The following ZC2HC1B variants were observed in gnomAD, a reference collection of about 807,000 sequenced individuals.
ZC2HC1B encodes zinc finger C2HC-type containing 1B, also known as zinc finger C2HC domain-containing protein 1B.
In ZC2HC1B, 36 loss-of-function variants were observed where a neutral mutation model predicts 31.0. That is an observed-to-expected ratio of 1.16 (90% CI 0.89 to 1.54). ZC2HC1B has a LOEUF of 1.54. ZC2HC1B is among the 40% of genes most tolerant of loss of function. The probability of loss-of-function intolerance (pLI) is 0.00; values close to 1 mark genes in which losing one functional copy is unlikely to be tolerated. For missense variants in ZC2HC1B, 260 were observed against 268.6 expected (o/e 0.97, Z 0.22); for synonymous variants, 73 against 88.0 (o/e 0.83, Z 0.95).
intron 5 of ZC2HC1B, 86 bp downstream of exon 5, chr6:143,898,777 C>T: frequency 1.3e-6 from 2 of 1,483,624 alleles, no homozygotes; most frequent in Admixed American, 4.3e-5. Context: ...ACCTCAGTTA[C>T]CCATCCTAAG....
chr6:143,912,373 C>T (rs1304844063), intron 6 of ZC2HC1B, among the ~76,000 whole-genome samples: 2 of 152,152 alleles, frequency 1.3e-5, no homozygotes, highest in East Asian at 3.8e-4. Flanking sequence ...AGTGTTTTTG[C>T]ATTGCTTCTT....
rs573959849 is a variant in ZC2HC1B at position 143,934,133 on chromosome 6, G to A, written c.599-3516G>A. Reference sequence around the variant, plus strand: ...TTCTCCCGTAATCTGGATTTTTCAGGTTCCTCAGTGGGGACGTGTGCTTGG... The same window carrying A: ...TTCTCCCGTAATCTGGATTTTTCAGATTCCTCAGTGGGGACGTGTGCTTGG... On this transcript the variant is annotated intron_variant, in intron 6 of 7. Coordinates refer to ENST00000237275, the MANE Select transcript of ZC2HC1B (RefSeq NM_001013623.3). This position sits in a 1 kb window ranked among gnomAD's most constrained non-coding sequence, Gnocchi z 4.6. Among the ~76,000 whole-genome samples the A allele has an allele frequency of 6.6e-6, 1 of 152,194 alleles. No homozygotes were observed. The highest frequency in any genetic ancestry group is 2.1e-4 in the South Asian group (1 of 4,830).
intron 5 of ZC2HC1B, among the ~76,000 whole-genome samples, chr6:143,900,329 G>C (rs140651536): frequency 1.9e-4 from 28 of 151,182 alleles, no homozygotes; most frequent in Non-Finnish European, 4.0e-4. Flanking sequence ...GGCAGAGGTT[G>C]TGGTGAGCCA....
Position 143,903,251 on chromosome 6 carries a change from A to G in ZC2HC1B, c.598+99A>G. 3 of 1,054,862 alleles carry G rather than the reference A, an allele frequency of 2.8e-6. No homozygotes were observed. Among genetic ancestry groups the G allele is most frequent in the Middle Eastern group, 2.3e-4 (1 of 4,368 alleles). The allele number at this position is 1,054,862 out of a possible 1,614,324, so 65.3% of individuals were successfully genotyped here. On this transcript the variant is annotated intron_variant, in intron 6 of 7. Transcript: ENST00000237275. The surrounding 1 kb of genome is among the most constrained non-coding windows in gnomAD (Gnocchi z 4.3). ...TGGTAGTCTGCAAAAGCTCTAAGAC[A>G]TTCACTGTTGCTTTTGGATGCAAAG...
Position 143,884,416 on chromosome 6 carries a change from G to A in ZC2HC1B, c.90+51G>A, listed in dbSNP as rs1267530866. 1.3e-6 allele frequency: 2 copies of A among 1,483,820 alleles called. No individual in the cohort carries two copies. Among genetic ancestry groups the A allele is most frequent in the Admixed American group, 4.0e-5 (2 of 49,710 alleles). 91.9% of individuals were successfully genotyped at this position (1,483,820 alleles called of 1,614,324 possible). ...GTGTTTCATTGGACTTAAATGAACTGTCAAGTCAGTGAGGAGGCGGCAGTG... is the reference window on the plus strand; with the variant it reads ...GTGTTTCATTGGACTTAAATGAACTATCAAGTCAGTGAGGAGGCGGCAGTG... On this transcript the variant is annotated intron_variant, in intron 2 of 7. Transcript: ENST00000237275. This position sits in a 1 kb window ranked among gnomAD's most constrained non-coding sequence, Gnocchi z 5.1.
intron 4 of ZC2HC1B, among the ~76,000 whole-genome samples, chr6:143,892,843 T>C (rs1469584715): frequency 6.6e-6 from 1 of 152,170 alleles, no homozygotes; most frequent in Non-Finnish European, 1.5e-5. Context: ...ATATAATTGT[T>C]ACAACTAAAG....
intron 1 of ZC2HC1B, among the ~76,000 whole-genome samples, chr6:143,867,339 T>C (rs1432295462): frequency 1.3e-5 from 2 of 152,232 alleles, no homozygotes; most frequent in African/African-American, 4.8e-5. Context: ...GGTCAGTGTT[T>C]GCTACCAATT....
At chr6:143,891,025 G>A (rs1777595201) in intron 4 of ZC2HC1B, among the ~76,000 whole-genome samples, 1 of 151,724 alleles carries the variant, frequency 6.6e-6, no homozygotes. Context: ...CAGTTACTCG[G>A]GAGGCTGAGG....
chr6:143,892,298 T>C (rs1223748609), intron 4 of ZC2HC1B, among the ~76,000 whole-genome samples: 1 of 119,580 alleles, frequency 8.4e-6, no homozygotes, highest in Non-Finnish European at 1.7e-5. Flanking sequence ...TGACAGGCTC[T>C]TTTTTTTTTT....
intron 6 of ZC2HC1B, among the ~76,000 whole-genome samples, chr6:143,936,617 T>G (rs569958561): frequency 6.6e-6 from 1 of 152,342 alleles, no homozygotes; most frequent in African/African-American, 2.4e-5. Flanking sequence ...TGGAAGGTAC[T>G]GCCAAGAAGC....
At chr6:143,935,307 C>G (rs1242096917) in intron 6 of ZC2HC1B, among the ~76,000 whole-genome samples, 1 of 152,108 alleles carries the variant, frequency 6.6e-6, no homozygotes, top group Non-Finnish European at 1.5e-5. Context: ...CACAGAAGCA[C>G]TGGTGGGCAT....
chr6:143,919,260 T>C (rs935742140), intron 6 of ZC2HC1B, among the ~76,000 whole-genome samples: 4 of 150,854 alleles, frequency 2.7e-5, no homozygotes, highest in East Asian at 1.9e-4. Flanking sequence ...TGTGTGTGTG[T>C]GTGTGTATGT....
chr6:143,892,294 G>T (rs2128494427), intron 4 of ZC2HC1B, among the ~76,000 whole-genome samples: 1 of 149,046 alleles, frequency 6.7e-6, no homozygotes, highest in South Asian at 2.1e-4. Context: ...GGAGTGACAG[G>T]CTCTTTTTTT....
intron 6 of ZC2HC1B, among the ~76,000 whole-genome samples, chr6:143,935,976 G>A (rs1381766953): frequency 6.6e-6 from 1 of 151,954 alleles, no homozygotes; most frequent in Non-Finnish European, 1.5e-5. Context: ...TCTACTTATG[G>A]TATCATATAT....
rs1777496422 is a variant in ZC2HC1B at position 143,883,645 on chromosome 6, T to C, written c.29-659T>C. Among the ~76,000 whole-genome samples, 1 of 152,240 alleles carries C rather than the reference T, an allele frequency of 6.6e-6. No individual in the cohort carries two copies. The highest frequency in any genetic ancestry group is 2.1e-4 in the South Asian group (1 of 4,836). ...AGGAAGTAATACAAAAAACCTTTTTTCAGAATTTCATAATATTTTGCTTTT... is the reference window on the plus strand; with the variant it reads ...AGGAAGTAATACAAAAAACCTTTTTCCAGAATTTCATAATATTTTGCTTTT... On this transcript the variant is annotated intron_variant, in intron 1 of 7. Transcript: ENST00000237275. The surrounding 1 kb of genome is among the most constrained non-coding windows in gnomAD (Gnocchi z 4.1).
At position 143,878,426 on chromosome 6, in the gene ZC2HC1B, C is replaced by G. The variant is rs553738843; in HGVS notation, c.29-5878C>G. Among the ~76,000 whole-genome samples the G allele has an allele frequency of 8.0e-5, 12 of 150,578 alleles. No individual in the cohort carries two copies. The South Asian group carries it at 2.6e-3, about 32-fold the overall frequency. ...CCAGGAGGCAGAGGTTGCAGTGTGC[C>G]AAGATCGCACCACTGTACTCCAGCC... On this transcript the variant is annotated intron_variant, in intron 1 of 7. Coordinates refer to ENST00000237275, the MANE Select transcript of ZC2HC1B (RefSeq NM_001013623.3).
rs541380830 is a variant in ZC2HC1B at position 143,917,635 on chromosome 6, G to A, written c.598+14483G>A. Among the ~76,000 whole-genome samples the A allele has an allele frequency of 1.3e-5, 2 of 152,064 alleles. No homozygotes were observed. The highest frequency in any genetic ancestry group is 1.3e-4 in the Admixed American group (2 of 15,270). On this transcript the variant is annotated intron_variant, in intron 6 of 7. Coordinates refer to ENST00000237275, the MANE Select transcript of ZC2HC1B (RefSeq NM_001013623.3). The surrounding 1 kb of genome is among the most constrained non-coding windows in gnomAD (Gnocchi z 4.1). ...AATCTAAAAATCTGAAATCTAAAAT[G>A]CTCCAACATCTGAAACTTTTTGAGC...
chr6:143,886,253 TG>T lies in ZC2HC1B; in HGVS notation c.210+103del. The T allele has an allele frequency of 1.6e-6, 2 of 1,232,496 alleles. No individual in the cohort carries two copies. The highest frequency in any genetic ancestry group is 2.1e-6 in the Non-Finnish European group (2 of 954,498). The allele number at this position is 1,232,496 out of a possible 1,614,324, so 76.3% of individuals were successfully genotyped here. ...TCATTTTTGCTTGATAATACAGTAA[TG>T]TAATGTAACTGTAATCCACCTTTAC... On this transcript the variant is annotated intron_variant, in intron 3 of 7. Coordinates refer to ENST00000237275, the MANE Select transcript of ZC2HC1B (RefSeq NM_001013623.3). This position sits in a 1 kb window ranked among gnomAD's most constrained non-coding sequence, Gnocchi z 4.2.
At chr6:143,897,736 C>T (rs1777683926) in intron 4 of ZC2HC1B, among the ~76,000 whole-genome samples, 1 of 152,092 alleles carries the variant, frequency 6.6e-6, no homozygotes, top group Admixed American at 6.6e-5. Flanking sequence ...AGCAGTATGT[C>T]TTTCTGCCAG....
Sources: allele counts gnomAD v4.1 joint callset (sites outside exome capture counted in the v4.1 genomes callset), GRCh38; gene constraint gnomAD v4.1.1; non-coding constraint Gnocchi (gnomAD v3.1); transcripts MANE v1.5; gene names NCBI Gene and HGNC (gene_info 2026-07-23, HGNC 2026-07-21).